TENM2: variants seen among roughly 807,000 people sequenced by gnomAD.
TENM2 encodes the protein teneurin transmembrane protein 2, also known as teneurin-2.
TENM2 carries 52 observed loss-of-function variants against 245.2 expected under a neutral mutation model. The ratio of observed to expected loss-of-function variants is 0.21; its 90% confidence interval spans 0.17 to 0.27. The LOEUF (loss-of-function observed/expected upper bound fraction) is 0.27, where lower values mean the gene tolerates loss of function less well. TENM2 is among the 10% of genes least tolerant of loss of function. The probability of loss-of-function intolerance (pLI) is 1.00; values close to 1 mark genes in which losing one functional copy is unlikely to be tolerated. For missense variants in TENM2, 3,046 were observed against 3,666.8 expected, an observed-to-expected ratio of 0.83 and a Z score of 4.37; for synonymous variants, 1,363 against 1,438.9, an observed-to-expected ratio of 0.95 and a Z score of 1.19.
At chr5:167,484,083 AC>A (rs1484700677) in intron 2 of TENM2, among the ~76,000 whole-genome samples, 3 of 152,186 alleles carry the variant, frequency 2.0e-5, no homozygotes, top group African/African-American at 7.2e-5. Context: ...GTGGTGGCTC[AC>A]GCCTGTAATC....
intron 2 of TENM2, among the ~76,000 whole-genome samples, chr5:167,683,842 C>G (rs1450131839): frequency 6.6e-6 from 1 of 152,184 alleles, no homozygotes; most frequent in Non-Finnish European, 1.5e-5. Context: ...ACATTGTACT[C>G]TTATTTATGA....
chr5:167,051,673 T>C, the TENM2 span, among the ~76,000 whole-genome samples: 2 of 152,216 alleles, frequency 1.3e-5, no homozygotes, highest in Admixed American at 6.5e-5. Context: ...TGAAAATATT[T>C]GCATTGGCAG....
chr5:167,499,633 G>A (rs2127554364), intron 2 of TENM2, among the ~76,000 whole-genome samples: 1 of 152,276 alleles, frequency 6.6e-6, no homozygotes, highest in African/African-American at 2.4e-5. Context: ...AGAATTAAAA[G>A]ATGTATCCAA....
the TENM2 span, among the ~76,000 whole-genome samples, chr5:167,025,012 T>C: frequency 1.6e-3 from 249 of 152,268 alleles, 2 homozygotes; most frequent in Middle Eastern, 6.8e-3. Flanking sequence ...AGTGATTAAA[T>C]TGTAGACTGA....
intron 2 of TENM2, among the ~76,000 whole-genome samples, chr5:167,390,416 C>G (rs1761682276): frequency 6.6e-6 from 1 of 152,074 alleles, no homozygotes; most frequent in Non-Finnish European, 1.5e-5. Flanking sequence ...CTGCAAGGCA[C>G]CTTGAGGAGA....
chr5:167,755,065 A>G (rs1762212751), intron 2 of TENM2: 1 of 1,598,076 alleles, frequency 6.3e-7, no homozygotes, highest in Admixed American at 1.7e-5. Flanking sequence ...TGGTGAGCCC[A>G]CCTCTCCTGA....
intron 9 of TENM2, among the ~76,000 whole-genome samples, chr5:168,117,140 T>G (rs941349974): frequency 2.6e-5 from 4 of 152,156 alleles, no homozygotes; most frequent in African/African-American, 9.7e-5. Flanking sequence ...GCCAAACTGA[T>G]TAAAGCTGTA....
rs563576476 is a variant in TENM2, at chr5:167,639,655, C to G, written c.503-236331C>G. Reference sequence around the variant, plus strand: ...GGGGTCCACTCAGATATCACTTCATCAGGGAAAACCTTGACTTTTAGCTGC... The same window carrying G: ...GGGGTCCACTCAGATATCACTTCATGAGGGAAAACCTTGACTTTTAGCTGC... On this transcript the variant is annotated intron_variant, in intron 2 of 28. Coordinates refer to ENST00000518659, the Ensembl canonical transcript of TENM2. Among the ~76,000 whole-genome samples the G allele has an allele frequency of 5.3e-5, 8 of 152,254 alleles. No homozygotes were observed. In the South Asian group the frequency reaches 1.7e-3, roughly 32 times the overall value.
intron 27 of TENM2, among the ~76,000 whole-genome samples, chr5:168,253,712 A>T (rs1217797485): frequency 6.6e-6 from 1 of 152,324 alleles, no homozygotes; most frequent in Non-Finnish European, 1.5e-5. Context: ...GGCGTGAGCC[A>T]CCGCGCCTGG....
At chr5:167,569,145 A>G (rs1262982724) in intron 2 of TENM2, among the ~76,000 whole-genome samples, 2 of 129,660 alleles carry the variant, frequency 1.5e-5, no homozygotes, top group Admixed American at 1.9e-4. Flanking sequence ...GTGCAGCCAT[A>G]GCTACATCAT....
At chr5:167,815,972 TTG>T (rs34151147) in intron 2 of TENM2, among the ~76,000 whole-genome samples, 18,317 of 143,644 alleles carry the variant, frequency 0.13, 1,646 homozygotes, top group African/African-American at 0.27. Flanking sequence ...TTATGATCCT[TTG>T]TGTGTGTGTG....
chr5:167,264,709 A>G, the TENM2 span, among the ~76,000 whole-genome samples: 3 of 152,302 alleles, frequency 2.0e-5, no homozygotes, highest in East Asian at 5.8e-4. Flanking sequence ...CCCCTACTGG[A>G]AGTGAGAGCA....
At chr5:167,434,225 GCCTGGCCAACATGGAGAAACTC>G (rs1041958920) in intron 2 of TENM2, among the ~76,000 whole-genome samples, 9 of 151,918 alleles carry the variant, frequency 5.9e-5, no homozygotes, top group Admixed American at 3.3e-4. Context: ...TTCGAGACCA[GCCTGGCCAACATGGAGAAACTC>G]CATCTCTACT....
chr5:167,524,712 C>T (rs990017019), intron 2 of TENM2, among the ~76,000 whole-genome samples: 3 of 151,900 alleles, frequency 2.0e-5, no homozygotes, highest in Non-Finnish European at 4.4e-5. Context: ...GTACCCTCCT[C>T]CTCCAGACCA....
chr5:168,115,656 C>T (rs1042604241), intron 9 of TENM2, among the ~76,000 whole-genome samples: 6 of 152,090 alleles, frequency 3.9e-5, no homozygotes, highest in African/African-American at 7.2e-5. Context: ...TTTAAATACA[C>T]GTTGTGCAAC....
intron 5 of TENM2, among the ~76,000 whole-genome samples, chr5:168,004,811 A>C (rs193002887): frequency 5.3e-4 from 80 of 149,574 alleles, no homozygotes; most frequent in Non-Finnish European, 9.5e-4. Flanking sequence ...ATCCAGATTT[A>C]TCCTGCTCTG....
chr5:167,819,758 G>T (rs895022529), intron 2 of TENM2, among the ~76,000 whole-genome samples: 1 of 152,166 alleles, frequency 6.6e-6, no homozygotes, highest in Non-Finnish European at 1.5e-5. Flanking sequence ...TTGGAGAACT[G>T]TTCATTTTGC....
At chr5:168,105,976 G>T (rs1294017810) in intron 9 of TENM2, among the ~76,000 whole-genome samples, 1 of 152,156 alleles carries the variant, frequency 6.6e-6, no homozygotes, top group Non-Finnish European at 1.5e-5. Context: ...TTGCATTTCA[G>T]AAGAGCGCTG....
At chr5:167,471,093 CG>C (rs1766996705) in intron 2 of TENM2, among the ~76,000 whole-genome samples, 1 of 152,174 alleles carries the variant, frequency 6.6e-6, no homozygotes, top group South Asian at 2.1e-4. Flanking sequence ...TGCAAGACTG[CG>C]GCTTCTCTGG....
Sources: allele counts gnomAD v4.1 joint callset (sites outside exome capture counted in the v4.1 genomes callset), GRCh38; gene constraint gnomAD v4.1.1; transcripts MANE v1.5; gene names NCBI Gene and HGNC (gene_info 2026-07-23, HGNC 2026-07-21).